MORN5: variants seen among roughly 807,000 people sequenced by gnomAD.
The protein encoded by MORN5 is MORN repeat-containing protein 5.
Under a neutral mutation model 22.1 loss-of-function variants are expected in MORN5, and 21 were observed. The observed-to-expected ratio is 0.95, with a 90% CI of 0.67 to 1.37. The LOEUF (loss-of-function observed/expected upper bound fraction) is 1.37, where lower values mean the gene tolerates loss of function less well. Ranked by LOEUF, MORN5 falls within the 40% of genes most tolerant of loss-of-function variation. The pLI is 0.00. For synonymous variants in MORN5, 73 were observed against 74.0 expected (o/e 0.99, Z 0.07); for missense variants, 211 against 215.1 (o/e 0.98, Z 0.12).
intron 4 of MORN5, among the ~76,000 whole-genome samples, chr9:122,185,104 G>A (rs1017404195): frequency 2.0e-5 from 3 of 152,162 alleles, no homozygotes; most frequent in Admixed American, 1.3e-4. Context: ...CACTCAGGCT[G>A]GGGTGCAGTG....
intron 4 of MORN5, chr9:122,175,678 A>G: frequency 2.0e-6 from 2 of 985,396 alleles, no homozygotes; most frequent in Non-Finnish European, 2.4e-6. Context: ...GACCTAGGTC[A>G]AGAAACCTTG....
Position 122,174,549 on chromosome 9 carries a change from T to TA in MORN5, c.362dup (p.Tyr121Ter), listed in dbSNP as rs1829418226. The change falls in exon 4 of 5, where the codon TAC becomes TAAC. Residue 121 changes from tyrosine to a stop codon, truncating the protein, a stop_gained and frameshift_variant. Transcript: ENST00000373764. LOFTEE classifies it high-confidence loss of function. The part of the protein sequence containing the change: ...DPPRKIPKGY[Y>*]DCGDGFYNPV... ...ACCTAGAAAAATCCCCAAGGGCTAT[T>TA]ACGATTGTGGAGACGGCTTCTATAA... The TA allele has an allele frequency of 6.2e-7, 1 of 1,614,130 alleles. No homozygotes were observed. The highest frequency in any genetic ancestry group is 2.2e-5 in the East Asian group (1 of 44,876).
intron 1 of MORN5, 131 bp downstream of exon 1, chr9:122,160,150 C>G (rs1829169568): frequency 1.4e-6 from 1 of 732,622 alleles, no homozygotes; most frequent in African/African-American, 1.8e-5. Context: ...TTTCAAGGAC[C>G]ATATCTAATA....
At chr9:122,199,707 G>C (rs1344637912) in intron 4 of MORN5, among the ~76,000 whole-genome samples, 178 bp from the exon 5 acceptor site, 6 of 152,088 alleles carry the variant, frequency 3.9e-5, no homozygotes, top group Non-Finnish European at 4.4e-5. Flanking sequence ...ATTTCCCCAA[G>C]ACCAGCCACT....
chr9:122,163,660 A>G (rs1829234278), intron 1 of MORN5, among the ~76,000 whole-genome samples: 1 of 152,232 alleles, frequency 6.6e-6, no homozygotes, highest in Admixed American at 6.5e-5. Flanking sequence ...GGTTGTGCCC[A>G]GAGGAGTTAT....
At chr9:122,160,634 A>G (rs977290395) in intron 1 of MORN5, among the ~76,000 whole-genome samples, 2 of 146,136 alleles carry the variant, frequency 1.4e-5, no homozygotes, top group African/African-American at 5.1e-5. Context: ...TTTTATTTTC[A>G]GACAAGATCT....
intron 4 of MORN5, among the ~76,000 whole-genome samples, chr9:122,194,345 G>C (rs1829838900): frequency 6.6e-6 from 1 of 152,206 alleles, no homozygotes; most frequent in African/African-American, 2.4e-5. Flanking sequence ...AGCAGGCAGG[G>C]CTCCTGGTCT....
chr9:122,193,272 TTTGGTTGTTTGTGTTA>T (rs1829812480), intron 4 of MORN5, among the ~76,000 whole-genome samples: 2 of 152,188 alleles, frequency 1.3e-5, no homozygotes, highest in Non-Finnish European at 2.9e-5. Context: ...TCATATTACA[TTTGGTTGTTTGTGTTA>T]AAAGCAGCAA....
chr9:122,190,938 G>GC (rs1198545639), intron 4 of MORN5, among the ~76,000 whole-genome samples: 1 of 152,232 alleles, frequency 6.6e-6, no homozygotes, highest in African/African-American at 2.4e-5. Flanking sequence ...ACCCATAGGT[G>GC]CCCACAAGCT....
At chr9:122,172,876 C>T (rs966806372) in intron 3 of MORN5, among the ~76,000 whole-genome samples, 5 of 152,300 alleles carry the variant, frequency 3.3e-5, no homozygotes, top group East Asian at 1.9e-4. Context: ...GTATGTCAGA[C>T]GCTGGCTGGA....
At chr9:122,179,084 G>A (rs796474611) in intron 4 of MORN5, among the ~76,000 whole-genome samples, 5 of 152,292 alleles carry the variant, frequency 3.3e-5, no homozygotes, top group African/African-American at 1.2e-4. Flanking sequence ...AAAAAGAACA[G>A]ACGAATGCAG....
At chr9:122,196,471 C>A (rs1829894192) in intron 4 of MORN5, among the ~76,000 whole-genome samples, 6 of 151,290 alleles carry the variant, frequency 4.0e-5, no homozygotes. Flanking sequence ...GTAGCTGGGA[C>A]TATAGGCACC....
In MORN5 at chr9:122,169,758, T is replaced by G. The variant is rs1588302815; in HGVS notation, c.307+2T>G. The G allele has an allele frequency of 3.8e-6, 6 of 1,587,726 alleles. No homozygotes were observed. The highest frequency in any genetic ancestry group is 1.1e-5 in the South Asian group (1 of 90,578). On this transcript the variant is annotated splice_donor_variant, in intron 3 of 4. Coordinates refer to ENST00000373764, the MANE Select transcript of MORN5 (RefSeq NM_198469.4). LOFTEE classifies it high-confidence loss of function. ...TCCTCAATGGCTTGAAGCCTGCAGG[T>G]ACCCAGGCACCCACCCTTTCCTTCA...
intron 1 of MORN5, among the ~76,000 whole-genome samples, chr9:122,162,955 T>C (rs1829224016): frequency 1.3e-5 from 2 of 152,000 alleles, no homozygotes; most frequent in South Asian, 2.1e-4. Context: ...TTTAAACACG[T>C]GGCCTATTGT....
rs1053391682 is a variant in MORN5, at chr9:122,199,520, G to A, written c.440-365G>A. ...CAGGACTCTGTCTCCTAGCACCACCGGCAAGGCCTAGACCCACTGTCCTGG... is the reference window on the plus strand; with the variant it reads ...CAGGACTCTGTCTCCTAGCACCACCAGCAAGGCCTAGACCCACTGTCCTGG... On this transcript the variant is annotated intron_variant, in intron 4 of 4. Transcript: ENST00000373764. Among the ~76,000 whole-genome samples the A allele has an allele frequency of 4.3e-4, 66 of 152,238 alleles. 1 individual carries two copies. The highest frequency in any genetic ancestry group is 4.0e-3 in the Admixed American group (61 of 15,296).
At chr9:122,174,844 C>T in intron 4 of MORN5, 3 of 1,372,490 alleles carry the variant, frequency 2.2e-6, no homozygotes, top group South Asian at 1.5e-5. Context: ...CGTGGTCTAG[C>T]AGTGACGGCA....
chr9:122,177,419 T>A (rs938192646), intron 4 of MORN5, among the ~76,000 whole-genome samples: 1 of 152,208 alleles, frequency 6.6e-6, no homozygotes, highest in African/African-American at 2.4e-5. Context: ...AGTTTGGAGC[T>A]GAGAGTCAGT....
intron 4 of MORN5, among the ~76,000 whole-genome samples, chr9:122,181,111 T>G (rs564336752): frequency 1.3e-5 from 2 of 152,372 alleles, no homozygotes; most frequent in Admixed American, 1.3e-4. Flanking sequence ...CAAAGCAGTT[T>G]AACATCTGTC....
rs144842293 is a variant in MORN5 at position 122,176,035 on chromosome 9, G to A, written c.439+1408G>A. The stretch of plus-strand genomic sequence containing the variant: ...AGGCAGGATGAGACAGGAGAATGGC[G>A]TGAACCCGGGAGGCGGAGCTTGCAG... On this transcript the variant is annotated intron_variant, in intron 4 of 4. Transcript: ENST00000373764. Among the ~76,000 whole-genome samples the A allele has an allele frequency of 4.0e-3, 601 of 151,326 alleles. 3 individuals are homozygous for A. Among genetic ancestry groups the A allele is most frequent in the African/African-American group, 0.014 (576 of 41,174 alleles).
Sources: allele counts gnomAD v4.1 joint callset (sites outside exome capture counted in the v4.1 genomes callset), GRCh38; gene constraint gnomAD v4.1.1; transcripts MANE v1.5; gene names NCBI Gene and HGNC (gene_info 2026-07-23, HGNC 2026-07-21).